The following GFOD1 variants were observed in gnomAD, a reference collection of about 807,000 sequenced individuals.
GFOD1 encodes glucose-fructose oxidoreductase domain-containing protein 1.
In GFOD1, 9 loss-of-function variants were observed where a neutral mutation model predicts 25.4. That is an observed-to-expected ratio of 0.35 (90% CI 0.21 to 0.62). The LOEUF (loss-of-function observed/expected upper bound fraction) is 0.62, where lower values mean the gene tolerates loss of function less well. Among genes scored for constraint, GFOD1 ranks in the 20% least tolerant of loss-of-function variants. The pLI is 0.72. For missense variants in GFOD1, 403 were observed against 556.9 expected, an observed-to-expected ratio of 0.72 and a Z score of 2.78; for synonymous variants, 253 against 245.6, an observed-to-expected ratio of 1.03 and a Z score of -0.28.
intron 1 of GFOD1, among the ~76,000 whole-genome samples, chr6:13,432,461 G>A (rs1486174791): frequency 6.6e-6 from 1 of 151,864 alleles, no homozygotes; most frequent in East Asian, 1.9e-4. Flanking sequence ...TCCCACCTTG[G>A]CCTCCCAAAG....
chr6:13,391,925 T>G (rs1351571427), intron 1 of GFOD1, among the ~76,000 whole-genome samples: 1 of 152,206 alleles, frequency 6.6e-6, no homozygotes, highest in African/African-American at 2.4e-5. Context: ...TTTAAAACAG[T>G]TGATAAACAG....
chr6:13,432,833 C>T (rs1757773052), intron 1 of GFOD1, among the ~76,000 whole-genome samples: 1 of 152,164 alleles, frequency 6.6e-6, no homozygotes, highest in African/African-American at 2.4e-5. Context: ...TCTCCCCTTC[C>T]TACACTGTAA....
chr6:13,468,353 T>C (rs1758414193), intron 1 of GFOD1, among the ~76,000 whole-genome samples: 1 of 152,230 alleles, frequency 6.6e-6, no homozygotes, highest in Non-Finnish European at 1.5e-5. Flanking sequence ...ATTTTATCAA[T>C]TATATTTATC....
At chr6:13,480,784 A>G (rs1049146191) in intron 1 of GFOD1, among the ~76,000 whole-genome samples, 3 of 152,138 alleles carry the variant, frequency 2.0e-5, no homozygotes, top group Non-Finnish European at 4.4e-5. Context: ...ACTGTGCCTG[A>G]CCTGGAATCT....
At chr6:13,394,457 A>G (rs1584625486) in intron 1 of GFOD1, among the ~76,000 whole-genome samples, 1 of 108,486 alleles carries the variant, frequency 9.2e-6, no homozygotes, top group South Asian at 2.9e-4. Flanking sequence ...CTGCTTTTGT[A>G]CCCTTTGAAT....
chr6:13,396,653 T>C (rs565216120), intron 1 of GFOD1, among the ~76,000 whole-genome samples: 6 of 152,268 alleles, frequency 3.9e-5, no homozygotes, highest in African/African-American at 1.4e-4. Flanking sequence ...AGCACCACTC[T>C]TACAAGAAGG....
intron 1 of GFOD1, among the ~76,000 whole-genome samples, chr6:13,417,395 T>C (rs1240548367): frequency 6.6e-6 from 1 of 152,214 alleles, no homozygotes; most frequent in Non-Finnish European, 1.5e-5. Flanking sequence ...CCTCGTGATC[T>C]GCCTGTCTCG....
chr6:13,365,319 G>A lies in GFOD1; in HGVS notation c.597C>T (p.Leu199=). 1 of 1,614,230 alleles carries A rather than the reference G, an allele frequency of 6.2e-7. No homozygotes were observed. Among genetic ancestry groups the A allele is most frequent in the African/African-American group, 1.3e-5 (1 of 75,076 alleles). Residue 199 remains leucine (L), a synonymous_variant, in exon 2 of 2, where the codon CTC becomes CTT. Transcript: ENST00000379287. This position sits in a 1 kb window ranked among gnomAD's most constrained non-coding sequence, Gnocchi z 9.2. ...GGTCAGTCTGCTTCACGAAGGTCTT[G>A]AGCAGCCCGTGGACCTTGACGGCCT... ...GQKAVKVHGL[L]KTFVKQTDHI... is the part of the protein sequence containing the mutation.
chr6:13,448,478 G>T (rs1758042846), intron 1 of GFOD1, among the ~76,000 whole-genome samples: 1 of 152,166 alleles, frequency 6.6e-6, no homozygotes, highest in Non-Finnish European at 1.5e-5. Context: ...GCTGGCCAAT[G>T]GTTTCCTTTT....
At chr6:13,396,876 A>T (rs559025299) in intron 1 of GFOD1, among the ~76,000 whole-genome samples, 2 of 152,310 alleles carry the variant, frequency 1.3e-5, no homozygotes, top group South Asian at 4.1e-4. Context: ...TGAAGAGAAT[A>T]ATCTGTATTG....
intron 1 of GFOD1, among the ~76,000 whole-genome samples, chr6:13,460,603 G>A (rs1055187066): frequency 6.6e-6 from 1 of 151,860 alleles, no homozygotes; most frequent in African/African-American, 2.4e-5. Flanking sequence ...CTTATAAGTG[G>A]GAGCTGAATA....
intron 1 of GFOD1, among the ~76,000 whole-genome samples, chr6:13,455,625 A>G (rs529016595): frequency 7.2e-5 from 11 of 152,210 alleles, no homozygotes; most frequent in Non-Finnish European, 1.6e-4. Flanking sequence ...AGCACCCCAC[A>G]TGGGCCAACT....
At chr6:13,477,426 C>A (rs957509518) in intron 1 of GFOD1, among the ~76,000 whole-genome samples, 7 of 151,966 alleles carry the variant, frequency 4.6e-5, no homozygotes, top group African/African-American at 1.7e-4. Flanking sequence ...CTCCCTCAAT[C>A]TTTTCCTGAC....
intron 1 of GFOD1, among the ~76,000 whole-genome samples, chr6:13,465,786 A>G (rs2560751): frequency 1.3e-5 from 2 of 152,074 alleles, no homozygotes; most frequent in African/African-American, 4.8e-5. Flanking sequence ...GGAATGAGAA[A>G]CCTACCAAGG....
At chr6:13,464,620 T>TA (rs1758348427) in intron 1 of GFOD1, among the ~76,000 whole-genome samples, 1 of 152,236 alleles carries the variant, frequency 6.6e-6, no homozygotes, top group Admixed American at 6.5e-5. Context: ...AAGTATTTTT[T>TA]AAATGAGATT....
At chr6:13,383,501 T>C (rs1001402381) in intron 1 of GFOD1, among the ~76,000 whole-genome samples, 4 of 152,242 alleles carry the variant, frequency 2.6e-5, no homozygotes, top group Admixed American at 1.3e-4. Context: ...TTGCTGTGAT[T>C]AGAACAAACA....
At chr6:13,442,642 T>C (rs1219707048) in intron 1 of GFOD1, among the ~76,000 whole-genome samples, 2 of 152,242 alleles carry the variant, frequency 1.3e-5, no homozygotes, top group African/African-American at 4.8e-5. Context: ...TCCAAAAGTC[T>C]TAGAGTCCTT....
chr6:13,482,257 T>C (rs976502763), intron 1 of GFOD1, among the ~76,000 whole-genome samples: 4 of 148,590 alleles, frequency 2.7e-5, no homozygotes, highest in African/African-American at 9.8e-5. Flanking sequence ...ATATAATTTA[T>C]ATTAATATTT....
At chr6:13,480,862 T>C (rs1036517339) in intron 1 of GFOD1, among the ~76,000 whole-genome samples, 1 of 152,246 alleles carries the variant, frequency 6.6e-6, no homozygotes, top group Non-Finnish European at 1.5e-5. Flanking sequence ...AGCTACTGCA[T>C]GCAGGAGGAT....
Sources: gnomAD v4.1 joint callset for allele counts (sites outside exome capture counted in the v4.1 genomes callset) on GRCh38, gnomAD v4.1.1 for gene constraint, Gnocchi (gnomAD v3.1) non-coding constraint, MANE v1.5 for transcripts, NCBI Gene and HGNC (gene_info 2026-07-23, HGNC 2026-07-21) for gene names.